The following CXCR5 variants were observed in gnomAD, a reference collection of about 807,000 sequenced individuals.
The protein encoded by CXCR5 is C-X-C chemokine receptor type 5.
In CXCR5, 3 loss-of-function variants were observed where a neutral mutation model predicts 5.6. That is an observed-to-expected ratio of 0.54 (90% CI 0.24 to 1.39). The LOEUF (loss-of-function observed/expected upper bound fraction) is 1.39, where lower values mean the gene tolerates loss of function less well. Ranked by LOEUF, CXCR5 falls within the 40% of genes most tolerant of loss-of-function variation. The pLI, the probability that CXCR5 is intolerant of heterozygous loss-of-function variation, is 0.16. For missense variants in CXCR5, 333 were observed against 494.6 expected, an observed-to-expected ratio of 0.67 and a Z score of 3.10; for synonymous variants, 218 against 219.9, an observed-to-expected ratio of 0.99 and a Z score of 0.08.
At position 118,896,012 on chromosome 11, in the gene CXCR5, G is replaced by T. The variant is rs561410565; in HGVS notation, c.*1349G>T. The T allele has an allele frequency of 6.0e-6, 1 of 167,086 alleles. No homozygotes were observed. Among genetic ancestry groups the T allele is most frequent in the Non-Finnish European group, 1.5e-5 (1 of 68,118 alleles). 10.4% of individuals were successfully genotyped at this position (167,086 alleles called of 1,614,324 possible). A position where few individuals can be genotyped will look rare whatever the true frequency, so the allele number is the denominator to read the frequency against. On this transcript the variant is annotated 3_prime_UTR_variant, in exon 2 of 2. Coordinates refer to ENST00000292174, the MANE Select transcript of CXCR5 (RefSeq NM_001716.5). ...TGGGGAAATAACAGCTGTGGCTCACGTGAGAGTGTCTTCACGGCAGGACAA... is the reference window on the plus strand; with the variant it reads ...TGGGGAAATAACAGCTGTGGCTCACTTGAGAGTGTCTTCACGGCAGGACAA...
chr11:118,893,889 G>A lies in CXCR5; in HGVS notation c.345G>A (p.Trp115Ter). ...CCGTGGCCGAGGGCTCTGTGGGCTG[G>A]GTCCTGGGGACCTTCCTCTGCAAAA... ...PFAVAEGSVG[W>*]VLGTFLCKTV... Residue 115 changes from tryptophan to a stop codon, truncating the protein, a stop_gained, in exon 2 of 2, where the codon TGG becomes TGA. Transcript: ENST00000292174. LOFTEE classifies it low-confidence loss of function (END_TRUNC). This position sits in a 1 kb window ranked among gnomAD's most constrained non-coding sequence, Gnocchi z 5.7. 6.2e-7 allele frequency: 1 copy of A among 1,614,082 alleles called. No homozygotes were observed. Among genetic ancestry groups the A allele is most frequent in the Non-Finnish European group, 8.5e-7 (1 of 1,180,018 alleles).
intron 1 of CXCR5, chr11:118,886,872 G>GC (rs1268768416): frequency 6.4e-6 from 1 of 157,102 alleles, no homozygotes; most frequent in East Asian, 1.9e-4. Context: ...TGTGACCAGA[G>GC]CATCACAGGC....
At position 118,893,316 on chromosome 11, in the gene CXCR5, C is replaced by T. The variant is rs1054410199; in HGVS notation, c.52-280C>T. 2.5e-5 allele frequency: 23 copies of T among 912,628 alleles called. No individual in the cohort carries two copies. The highest frequency in any genetic ancestry group is 2.9e-5 in the Non-Finnish European group (22 of 763,810). 56.5% of individuals were successfully genotyped at this position (912,628 alleles called of 1,614,324 possible). A position where few individuals can be genotyped will look rare whatever the true frequency, so the allele number is the denominator to read the frequency against. ...TTCCGTACATGAGGACCCAAAAACA[C>T]AAGCTGACTTATGGGGTCCAGCCCT... On this transcript the variant is annotated intron_variant, in intron 1 of 1. Transcript: ENST00000292174. This position sits in a 1 kb window ranked among gnomAD's most constrained non-coding sequence, Gnocchi z 5.7.
Position 118,884,518 on chromosome 11 carries a change from G to GA in CXCR5, c.51+533dup, listed in dbSNP as rs3837426. 1.1e-4 allele frequency among the ~76,000 whole-genome samples: 17 copies of GA among 152,198 alleles called. No homozygotes were observed. The East Asian group carries it at 1.4e-3, about 12-fold the overall frequency. ...TCAAATAGCTTCTGCTCTGGCCAGA[G>GA]AAAAAAATCACTCACTGGAAGCTAT... On this transcript the variant is annotated intron_variant, in intron 1 of 1. Transcript: ENST00000292174.
chr11:118,894,974 A>C lies in CXCR5; in HGVS notation c.*311A>C. 4 of 311,656 alleles carry C rather than the reference A, an allele frequency of 1.3e-5. No individual in the cohort carries two copies. Among genetic ancestry groups the C allele is most frequent in the Non-Finnish European group, 1.9e-5 (3 of 161,434 alleles). 19.3% of individuals were successfully genotyped at this position (311,656 alleles called of 1,614,324 possible). The stretch of plus-strand genomic sequence containing the variant: ...ACGCACCTCCCATCCTAATCATCCA[A>C]TGCTCAAGAAACAACTTCTACTTCT... On this transcript the variant is annotated 3_prime_UTR_variant, in exon 2 of 2. Coordinates refer to ENST00000292174, the MANE Select transcript of CXCR5 (RefSeq NM_001716.5). This position sits in a 1 kb window ranked among gnomAD's most constrained non-coding sequence, Gnocchi z 6.1.
At chr11:118,890,417 C>T (rs764553521) in intron 1 of CXCR5, among the ~76,000 whole-genome samples, 2 of 152,034 alleles carry the variant, frequency 1.3e-5, no homozygotes, top group Middle Eastern at 3.4e-3. Flanking sequence ...TAAATGCACA[C>T]GCATCATAAG....
chr11:118,893,527 C>G lies in CXCR5; in HGVS notation c.52-69C>G, dbSNP rs1939844021. ...ATGTAGGAAAAAACCTCCAAGAGAGCTAGGGTTCCTCTCAGAGAGGAAAGA... is the reference window on the plus strand; with the variant it reads ...ATGTAGGAAAAAACCTCCAAGAGAGGTAGGGTTCCTCTCAGAGAGGAAAGA... On this transcript the variant is annotated intron_variant, in intron 1 of 1. Transcript: ENST00000292174. This position sits in a 1 kb window ranked among gnomAD's most constrained non-coding sequence, Gnocchi z 5.7. The G allele has an allele frequency of 6.6e-7, 1 of 1,508,432 alleles. No individual in the cohort carries two copies. Among genetic ancestry groups the G allele is most frequent in the Admixed American group, 2.3e-5 (1 of 44,142 alleles). 93.4% of individuals were successfully genotyped at this position (1,508,432 alleles called of 1,614,324 possible).
chr11:118,893,431 T>A lies in CXCR5; in HGVS notation c.52-165T>A. The A allele has an allele frequency of 2.0e-6, 2 of 985,374 alleles. No homozygotes were observed. Among genetic ancestry groups the A allele is most frequent in the African/African-American group, 3.5e-5 (2 of 57,330 alleles). 61.0% of individuals were successfully genotyped at this position (985,374 alleles called of 1,614,324 possible). A position where few individuals can be genotyped will look rare whatever the true frequency, so the allele number is the denominator to read the frequency against. On this transcript the variant is annotated intron_variant, in intron 1 of 1. Coordinates refer to ENST00000292174, the MANE Select transcript of CXCR5 (RefSeq NM_001716.5). The surrounding 1 kb of genome is among the most constrained non-coding windows in gnomAD (Gnocchi z 5.7). ...GCGGTCCCTTTGACAGGCGAAAAAC[T>A]GAAGTTGGAAAAGACAAAGTGATTT... is the stretch of plus-strand genomic sequence containing the variant.
At chr11:118,888,523 G>T (rs566504492) in intron 1 of CXCR5, among the ~76,000 whole-genome samples, 35 of 152,262 alleles carry the variant, frequency 2.3e-4, no homozygotes, top group African/African-American at 7.9e-4. Flanking sequence ...ACCAAACTGG[G>T]CTGGTGTCAG....
At position 118,895,043 on chromosome 11, in the gene CXCR5, C is replaced by T. The variant is rs1198980255; in HGVS notation, c.*380C>T. 15 of 193,962 alleles carry T rather than the reference C, an allele frequency of 7.7e-5. No homozygotes were observed. The Admixed American group carries it at 9.2e-4, about 12-fold the overall frequency. The allele number at this position is 193,962 out of a possible 1,614,324, so 12.0% of individuals were successfully genotyped here. On this transcript the variant is annotated 3_prime_UTR_variant, in exon 2 of 2. Transcript: ENST00000292174. This position sits in a 1 kb window ranked among gnomAD's most constrained non-coding sequence, Gnocchi z 4.2. Reference sequence around the variant, plus strand: ...CGCCTGCCCCTCCCAGAACACACTCCATCAGCTTAGGGGCTGCTGACCTCC... The same window carrying T: ...CGCCTGCCCCTCCCAGAACACACTCTATCAGCTTAGGGGCTGCTGACCTCC...
intron 1 of CXCR5, chr11:118,886,447 G>C (rs756269572): frequency 2.0e-4 from 85 of 419,426 alleles, no homozygotes; most frequent in Admixed American, 4.5e-4. Context: ...AACTCGAGCC[G>C]CTTAAAATGT....
At position 118,896,537 on chromosome 11, in the gene CXCR5, A is replaced by G. The variant is rs114219531; in HGVS notation, c.*1874A>G. ...AGGCAGGGCGGGCAAAGCGCCTGGCAGGATGAAGGGCAAGTGGCCCCCCAA... is the reference window on the plus strand; with the variant it reads ...AGGCAGGGCGGGCAAAGCGCCTGGCGGGATGAAGGGCAAGTGGCCCCCCAA... On this transcript the variant is annotated 3_prime_UTR_variant, in exon 2 of 2. Coordinates refer to ENST00000292174, the MANE Select transcript of CXCR5 (RefSeq NM_001716.5). The G allele has an allele frequency of 7.4e-3, 1,126 of 153,086 alleles. 11 individuals carry two copies. The highest frequency in any genetic ancestry group is 0.026 in the African/African-American group (1,072 of 41,582). 9.5% of individuals were successfully genotyped at this position (153,086 alleles called of 1,614,324 possible).
rs115896012 is a variant in CXCR5 at position 118,884,095 on chromosome 11, C to T, written c.51+103C>T. ...AGGGGACAGTGTGGGAATCCTCTCC[C>T]ACTGTGGATCTGTAAAATCTAGACA... is the stretch of plus-strand genomic sequence containing the variant. On this transcript the variant is annotated intron_variant, in intron 1 of 1. Transcript: ENST00000292174. The T allele has an allele frequency of 3.3e-4, 383 of 1,147,580 alleles. 2 individuals carry two copies. In the African/African-American group the frequency reaches 5.2e-3, roughly 16 times the overall value. The allele number at this position is 1,147,580 out of a possible 1,614,324, so 71.1% of individuals were successfully genotyped here. A position where few individuals can be genotyped will look rare whatever the true frequency, so the allele number is the denominator to read the frequency against.
chr11:118,886,355 A>G, intron 1 of CXCR5: 1 of 443,610 alleles, frequency 2.3e-6, no homozygotes, highest in Non-Finnish European at 4.5e-6. Context: ...CAGAAAAAAA[A>G]AAAAAAAAGG....
At position 118,895,431 on chromosome 11, in the gene CXCR5, C is replaced by T. The variant is rs752756744; in HGVS notation, c.*768C>T. 8 of 167,032 alleles carry T rather than the reference C, an allele frequency of 4.8e-5. No homozygotes were observed. Among genetic ancestry groups the T allele is most frequent in the South Asian group, 2.1e-4 (1 of 4,822 alleles). 10.3% of individuals were successfully genotyped at this position (167,032 alleles called of 1,614,324 possible). A position where few individuals can be genotyped will look rare whatever the true frequency, so the allele number is the denominator to read the frequency against. The stretch of plus-strand genomic sequence containing the variant: ...AAGGCCGAGAAGCAAGAAAGAAACC[C>T]GACAGAGGGAAGAAAAGAGCTTTCT... On this transcript the variant is annotated 3_prime_UTR_variant, in exon 2 of 2. Coordinates refer to ENST00000292174, the MANE Select transcript of CXCR5 (RefSeq NM_001716.5). The surrounding 1 kb of genome is among the most constrained non-coding windows in gnomAD (Gnocchi z 4.2).
chr11:118,892,026 C>T (rs1009506071), intron 1 of CXCR5, among the ~76,000 whole-genome samples: 5 of 152,102 alleles, frequency 3.3e-5, no homozygotes, highest in African/African-American at 9.7e-5. Context: ...TTACCCTGTC[C>T]TCTGTGCAGG....
chr11:118,894,237 G>C lies in CXCR5; in HGVS notation c.693G>C (p.Met231Ile). Residue 231 changes from methionine to isoleucine, a missense_variant, in exon 2 of 2, where the codon ATG becomes ATC. Met to Ile is a conservative substitution (Grantham distance 10). Coordinates refer to ENST00000292174, the MANE Select transcript of CXCR5 (RefSeq NM_001716.5). The surrounding 1 kb of genome is among the most constrained non-coding windows in gnomAD (Gnocchi z 6.1). ...ATGTGGCGGGATTCCTGCTGCCCATGCTGGTGATGGGCTGGTGCTACGTGG... is the reference window on the plus strand; with the variant it reads ...ATGTGGCGGGATTCCTGCTGCCCATCCTGGTGATGGGCTGGTGCTACGTGG... Reference protein sequence around the residue: ...LYHVAGFLLPMLVMGWCYVGV... With the variant: ...LYHVAGFLLPILVMGWCYVGV... The C allele has an allele frequency of 6.2e-7, 1 of 1,614,112 alleles. No homozygotes were observed. The highest frequency in any genetic ancestry group is 8.5e-7 in the Non-Finnish European group (1 of 1,180,042).
intron 1 of CXCR5, chr11:118,887,466 G>A (rs1033848949): frequency 2.3e-5 from 23 of 982,292 alleles, no homozygotes; most frequent in African/African-American, 3.5e-5. Flanking sequence ...GCAGAGGCTT[G>A]GAGTAGCTTA....
rs144650313 is a variant in CXCR5 at position 118,893,866 on chromosome 11, G to A, written c.322G>A (p.Val108Met). Residue 108 changes from valine (V) to methionine (M), a missense_variant, in exon 2 of 2, where the codon GTG becomes ATG. Val to Met is a conservative substitution (Grantham distance 21, BLOSUM62 1). Coordinates refer to ENST00000292174, the MANE Select transcript of CXCR5 (RefSeq NM_001716.5). The surrounding 1 kb of genome is among the most constrained non-coding windows in gnomAD (Gnocchi z 5.7). ...LLLVFILPFA[V>M]AEGSVGWVLG... ...GCTGGTCTTCATCTTGCCCTTTGCC[G>A]TGGCCGAGGGCTCTGTGGGCTGGGT... 276 of 1,613,998 alleles carry A rather than the reference G, an allele frequency of 1.7e-4. No homozygotes were observed. Among genetic ancestry groups the A allele is most frequent in the Non-Finnish European group, 2.0e-4 (235 of 1,180,050 alleles).
Sources: gnomAD v4.1 joint callset for allele counts (sites outside exome capture counted in the v4.1 genomes callset) on GRCh38, gnomAD v4.1.1 for gene constraint, Gnocchi (gnomAD v3.1) non-coding constraint, MANE v1.5 for transcripts, NCBI Gene and HGNC (gene_info 2026-07-23, HGNC 2026-07-21) for gene names.